The following EPHB1 variants were observed in gnomAD, a reference collection of about 807,000 sequenced individuals.
EPHB1 encodes the protein EPH receptor B1.
A neutral mutation model predicts 94.4 loss-of-function variants in EPHB1; 30 were observed. That is an observed-to-expected ratio of 0.32 (90% confidence interval 0.24 to 0.43). The LOEUF is 0.43. EPHB1 is among the 20% of genes least tolerant of loss of function. EPHB1 has a pLI of 1.00. For synonymous variants in EPHB1, 522 were observed against 489.1 expected (o/e 1.07, Z -0.89); for missense variants, 1,055 against 1,308.3 (o/e 0.81, Z 2.99).
chr3:134,957,304 G>A (rs1050124869), intron 3 of EPHB1, among the ~76,000 whole-genome samples: 8 of 152,214 alleles, frequency 5.3e-5, no homozygotes, highest in African/African-American at 1.9e-4. Flanking sequence ...CCAGGACCAT[G>A]TATGTGACTG....
At chr3:134,844,926 G>A (rs972249301) in intron 1 of EPHB1, among the ~76,000 whole-genome samples, 1 of 152,158 alleles carries the variant, frequency 6.6e-6, no homozygotes, top group Non-Finnish European at 1.5e-5. Context: ...GGAGTCCCTG[G>A]AGAGCCTGAG....
chr3:134,993,829 T>C (rs1934900260), intron 3 of EPHB1, among the ~76,000 whole-genome samples: 1 of 152,220 alleles, frequency 6.6e-6, no homozygotes, highest in African/African-American at 2.4e-5. Flanking sequence ...ATTCACATCT[T>C]ACAGGGTTTC....
At chr3:135,225,150 C>G (rs1302809456) in intron 12 of EPHB1, among the ~76,000 whole-genome samples, 2 of 152,170 alleles carry the variant, frequency 1.3e-5, no homozygotes, top group South Asian at 2.1e-4. Flanking sequence ...AGCTAGGATG[C>G]CCTGCCCCCA....
intron 11 of EPHB1, among the ~76,000 whole-genome samples, chr3:135,196,545 C>T (rs936561053): frequency 1.7e-4 from 26 of 152,190 alleles, no homozygotes; most frequent in African/African-American, 4.6e-4. Context: ...GCCTTACTAC[C>T]GAACCCTGGA....
At chr3:134,867,920 G>A (rs1310178687) in intron 1 of EPHB1, among the ~76,000 whole-genome samples, 1 of 152,168 alleles carries the variant, frequency 6.6e-6, no homozygotes, top group African/African-American at 2.4e-5. Context: ...GGAACTGGGA[G>A]AATTGGGAGA....
At chr3:135,015,150 C>T (rs182414416) in intron 3 of EPHB1, among the ~76,000 whole-genome samples, 19 of 152,276 alleles carry the variant, frequency 1.2e-4, no homozygotes, top group Admixed American at 1.1e-3. Flanking sequence ...GCCTTTTGCT[C>T]ATGGAGTCTG....
intron 15 of EPHB1, among the ~76,000 whole-genome samples, chr3:135,250,510 TG>T (rs1933030636): frequency 6.6e-6 from 1 of 152,146 alleles, no homozygotes; most frequent in Non-Finnish European, 1.5e-5. Context: ...TATTGATGCC[TG>T]GTTCTCACTC....
intron 1 of EPHB1, among the ~76,000 whole-genome samples, chr3:134,862,836 G>A (rs1324476491): frequency 6.6e-6 from 1 of 152,206 alleles, no homozygotes; most frequent in Non-Finnish European, 1.5e-5. Context: ...AGCCAACAGG[G>A]GCTGTCCTTT....
At chr3:134,896,715 G>A (rs2038093177) in intron 1 of EPHB1, among the ~76,000 whole-genome samples, 1 of 152,246 alleles carries the variant, frequency 6.6e-6, no homozygotes, top group Admixed American at 6.5e-5. Context: ...ATTCCCTGAG[G>A]TGCCAGGTTC....
chr3:134,919,864 G>GTA (rs1379423288), intron 1 of EPHB1, among the ~76,000 whole-genome samples: 2 of 151,930 alleles, frequency 1.3e-5, no homozygotes, highest in Admixed American at 6.6e-5. Flanking sequence ...GTGTGTGTGT[G>GTA]TATGCATGCG....
intron 3 of EPHB1, among the ~76,000 whole-genome samples, chr3:134,986,411 G>A (rs533396332): frequency 6.6e-6 from 1 of 152,292 alleles, no homozygotes; most frequent in Admixed American, 6.5e-5. Context: ...AAATGAGCAT[G>A]TGCATTGACA....
rs191314299 is a variant in EPHB1 at position 134,965,514 on chromosome 3, A to G, written c.805+13462A>G. 7.2e-5 allele frequency among the ~76,000 whole-genome samples: 11 copies of G among 152,278 alleles called. No individual in the cohort carries two copies. In the East Asian group the frequency reaches 1.9e-3, roughly 27 times the overall value. On this transcript the variant is annotated intron_variant, in intron 3 of 15. Coordinates refer to ENST00000398015, the MANE Select transcript of EPHB1 (RefSeq NM_004441.5). Reference sequence around the variant, plus strand: ...CCGGAGTTCGAGGCTGAAGTGAGCTATGATAGTGCCACTGTACTCCTCCCG... The same window carrying G: ...CCGGAGTTCGAGGCTGAAGTGAGCTGTGATAGTGCCACTGTACTCCTCCCG...
intron 3 of EPHB1, among the ~76,000 whole-genome samples, chr3:135,100,615 C>CTTTA (rs1939001419): frequency 6.6e-6 from 1 of 152,128 alleles, no homozygotes; most frequent in Non-Finnish European, 1.5e-5. Flanking sequence ...GACACTTAAT[C>CTTTA]TGTTTCTTTA....
rs1048755555 is a variant in EPHB1, at chr3:134,951,099, C to G, written c.124-272C>G. 6.6e-6 allele frequency among the ~76,000 whole-genome samples: 1 copy of G among 152,144 alleles called. No individual in the cohort carries two copies. Among genetic ancestry groups the G allele is most frequent in the African/African-American group, 2.4e-5 (1 of 41,430 alleles). ...CCCCATGGATGTAATAAGCTAGTCACAGAATGAGCATTATGGGTTAGGCGA... is the reference window on the plus strand; with the variant it reads ...CCCCATGGATGTAATAAGCTAGTCAGAGAATGAGCATTATGGGTTAGGCGA... On this transcript the variant is annotated intron_variant, in intron 2 of 15. Coordinates refer to ENST00000398015, the MANE Select transcript of EPHB1 (RefSeq NM_004441.5). This position sits in a 1 kb window ranked among gnomAD's most constrained non-coding sequence, Gnocchi z 4.5.
chr3:134,801,426 G>A (rs1478064561), intron 1 of EPHB1, among the ~76,000 whole-genome samples: 1 of 152,162 alleles, frequency 6.6e-6, no homozygotes, highest in Non-Finnish European at 1.5e-5. Context: ...CAGCGGAGGG[G>A]GCACACCGAA....
chr3:135,114,728 G>GATAATAA (rs1553736209), intron 4 of EPHB1, among the ~76,000 whole-genome samples: 11 of 133,728 alleles, frequency 8.2e-5, no homozygotes, highest in Non-Finnish European at 1.6e-4. Flanking sequence ...GTCTCAGATA[G>GATAATAA]ATAAATAAAT....
intron 1 of EPHB1, among the ~76,000 whole-genome samples, chr3:134,867,399 G>A (rs930068774): frequency 1.3e-5 from 2 of 152,196 alleles, no homozygotes; most frequent in African/African-American, 4.8e-5. Flanking sequence ...TGCCATCCCA[G>A]TGGGTCTCTG....
intron 4 of EPHB1, among the ~76,000 whole-genome samples, chr3:135,111,655 C>CTGT (rs1027372637): frequency 6.6e-6 from 1 of 152,060 alleles, no homozygotes; most frequent in African/African-American, 2.4e-5. Flanking sequence ...TAATCCCCAC[C>CTGT]TGTTCTGGCT....
At chr3:134,939,381 T>TG (rs141210191) in intron 2 of EPHB1, among the ~76,000 whole-genome samples, 5,273 of 99,584 alleles carry the variant, frequency 0.053, 103 homozygotes, top group African/African-American at 0.08. Flanking sequence ...GAATGGGGGG[T>TG]GGGGGGGTGG....
Sources: allele counts gnomAD v4.1 joint callset (sites outside exome capture counted in the v4.1 genomes callset), GRCh38; gene constraint gnomAD v4.1.1; non-coding constraint Gnocchi (gnomAD v3.1); transcripts MANE v1.5; gene names NCBI Gene and HGNC (gene_info 2026-07-23, HGNC 2026-07-21).